ZNF888: variants seen among roughly 807,000 people sequenced by gnomAD.
ZNF888 encodes the protein zinc finger protein 888, also known as CTD-2331H12.6.
In ZNF888, 5 loss-of-function variants were observed where a neutral mutation model predicts 7.2. The observed-to-expected ratio is 0.70, with a 90% confidence interval of 0.36 to 1.46. ZNF888 has a LOEUF of 1.46. ZNF888 is among the 40% of genes most tolerant of loss of function. The pLI is 0.03. For missense variants in ZNF888, 716 were observed against 858.0 expected (o/e 0.83, Z 2.07); for synonymous variants, 240 against 284.3 (o/e 0.84, Z 1.57).
At chr19:52,913,320 CTTTTT>C (rs34481338) in intron 4 of ZNF888, among the ~76,000 whole-genome samples, 1 of 92,080 alleles carries the variant, frequency 1.1e-5, no homozygotes. Flanking sequence ...GTTATGGATT[CTTTTT>C]TTTTTTTTTT....
intron 4 of ZNF888, among the ~76,000 whole-genome samples, chr19:52,912,918 A>G (rs2064703366): frequency 6.6e-6 from 1 of 152,002 alleles, no homozygotes. Flanking sequence ...GACCACCCTA[A>G]CCTACAAGGA....
rs1173538014 is a variant in ZNF888 at position 52,917,942 on chromosome 19, C to T, written c.-58-11G>A. On this transcript the variant is annotated splice_polypyrimidine_tract_variant and intron_variant, in intron 2 of 4. Transcript: ENST00000638862. Reference sequence around the variant, plus strand: ...TCACATACCCAGAGTCTTTAGAAGTCAATCATGAATGTTAGAAATATGTTG... The same window carrying T: ...TCACATACCCAGAGTCTTTAGAAGTTAATCATGAATGTTAGAAATATGTTG... 3 of 1,606,620 alleles carry T rather than the reference C, an allele frequency of 1.9e-6. No homozygotes were observed. The African/African-American group carries it at 4.0e-5, about 21-fold the overall frequency.
At chr19:52,911,082 T>C (rs1484476530) in intron 4 of ZNF888, among the ~76,000 whole-genome samples, 3 of 152,204 alleles carry the variant, frequency 2.0e-5, no homozygotes, top group African/African-American at 7.2e-5. Flanking sequence ...TTTCACCATG[T>C]TGGCCAGGCT....
intron 3 of ZNF888, chr19:52,917,224 G>C (rs1179011702): frequency 1.9e-5 from 3 of 157,070 alleles, no homozygotes; most frequent in Non-Finnish European, 2.8e-5. Flanking sequence ...CTTGTTACCT[G>C]GGCTGGAGTG....
chr19:52,909,505 C>T (rs922609400), intron 4 of ZNF888, among the ~76,000 whole-genome samples: 2 of 152,180 alleles, frequency 1.3e-5, no homozygotes, highest in South Asian at 4.1e-4. Context: ...GTCTCAGCCT[C>T]CTAAATCCTG....
rs116480159 is a variant in ZNF888 at position 52,914,781 on chromosome 19, C to G, written c.142+415G>C. ...TCCCGGGTTTGAGTGATTCTCTTTC[C>G]TCAGCCTTTCTAGGAGCTAGGATTA... On this transcript the variant is annotated intron_variant, in intron 4 of 4. Coordinates refer to ENST00000638862, the MANE Select transcript of ZNF888 (RefSeq NM_001393938.1). Among the ~76,000 whole-genome samples the G allele has an allele frequency of 4.2e-3, 637 of 152,274 alleles. 7 individuals carry two copies. Among genetic ancestry groups the G allele is most frequent in the African/African-American group, 0.014 (574 of 41,562 alleles).
chr19:52,904,484 A>G lies in ZNF888; in HGVS notation c.*1681T>C, dbSNP rs2064585059. On this transcript the variant is annotated 3_prime_UTR_variant, in exon 5 of 5. Coordinates refer to ENST00000638862, the MANE Select transcript of ZNF888 (RefSeq NM_001393938.1). ...ACTGCCTTAAAATCTGAGCTCCCCT[A>G]ATGCACAATTTCTGTCCTTTTTAAG... The G allele has an allele frequency of 6.6e-6, 1 of 152,244 alleles. No individual in the cohort carries two copies. Among genetic ancestry groups the G allele is most frequent in the East Asian group, 1.9e-4 (1 of 5,188 alleles). The allele number at this position is 152,244 out of a possible 1,614,324, so 9.4% of individuals were successfully genotyped here. A position where few individuals can be genotyped will look rare whatever the true frequency, so the allele number is the denominator to read the frequency against.
At position 52,907,080 on chromosome 19, in the gene ZNF888, C is replaced by G. The variant is rs1474688457; in HGVS notation, c.1242G>C (p.Glu414Asp). The G allele has an allele frequency of 5.6e-6, 9 of 1,610,790 alleles. No homozygotes were observed. Among genetic ancestry groups the G allele is most frequent in the Non-Finnish European group, 6.8e-6 (8 of 1,179,078 alleles). The change falls in exon 5 of 5, where the codon GAG becomes GAC. Residue 414 changes from glutamate (E) to aspartate (D), a missense_variant. By Grantham distance (45) the Glu-to-Asp change is conservative. This residue lies in a region of ZNF888 where 697 missense variants were observed against 803.4 expected (regional missense o/e 0.87). Coordinates refer to ENST00000638862, the MANE Select transcript of ZNF888 (RefSeq NM_001393938.1). The stretch of plus-strand genomic sequence containing the variant: ...AATTTTCACCAAACGTTTTGCCACA[C>G]TCATTACACTTGTAAGGTTTCTCTC... ...HTREKPYKCN[E>D]CGKTFGENSA...
Position 52,923,383 on chromosome 19 carries a change from T to C in ZNF888, c.-192A>G, listed in dbSNP as rs2064844298. Reference sequence around the variant, plus strand: ...GCAAAACTCACCGCCGCAGTGTGACTTCCAGTCCACGCGATCCGCTTCCTG... The same window carrying C: ...GCAAAACTCACCGCCGCAGTGTGACCTCCAGTCCACGCGATCCGCTTCCTG... On this transcript the variant is annotated 5_prime_UTR_variant, in exon 1 of 5. Coordinates refer to ENST00000638862, the MANE Select transcript of ZNF888 (RefSeq NM_001393938.1). 2.0e-6 allele frequency: 2 copies of C among 985,676 alleles called. No homozygotes were observed. The highest frequency in any genetic ancestry group is 1.2e-6 in the Non-Finnish European group (1 of 830,050). The allele number at this position is 985,676 out of a possible 1,614,324, so 61.1% of individuals were successfully genotyped here.
At chr19:52,923,026 C>T (rs983811792) in intron 1 of ZNF888, among the ~76,000 whole-genome samples, 1 of 152,048 alleles carries the variant, frequency 6.6e-6, no homozygotes, top group Non-Finnish European at 1.5e-5. Context: ...CAGGGGCCGA[C>T]GAGGGTGAGG....
intron 3 of ZNF888, among the ~76,000 whole-genome samples, chr19:52,915,555 A>G (rs1202089445): frequency 6.6e-6 from 1 of 152,040 alleles, no homozygotes; most frequent in Non-Finnish European, 1.5e-5. Flanking sequence ...GCTCACTGCA[A>G]GCTCTACCTC....
chr19:52,916,988 T>C (rs723865), intron 3 of ZNF888, among the ~76,000 whole-genome samples: 29,273 of 151,800 alleles, frequency 0.19, 2,767 homozygotes, highest in Admixed American at 0.34. Flanking sequence ...AAAAAAGTAC[T>C]GCTCCCATAT....
intron 4 of ZNF888, among the ~76,000 whole-genome samples, chr19:52,914,934 G>T (rs2064726472): frequency 6.6e-6 from 1 of 152,152 alleles, no homozygotes. Flanking sequence ...GTGCTGGGAT[G>T]ACAGGCGTGA....
At position 52,904,749 on chromosome 19, in the gene ZNF888, G is replaced by A. The variant is rs960205608; in HGVS notation, c.*1416C>T. The A allele has an allele frequency of 6.6e-6, 1 of 152,172 alleles. No individual in the cohort carries two copies. The highest frequency in any genetic ancestry group is 2.4e-5 in the African/African-American group (1 of 41,444). 9.4% of individuals were successfully genotyped at this position (152,172 alleles called of 1,614,324 possible). On this transcript the variant is annotated 3_prime_UTR_variant, in exon 5 of 5. Transcript: ENST00000638862. ...GCCCAGGCCTGGTTTCAGGCCTGGC[G>A]CCGGGCTGCCTGTCTTTGATTTCAC...
At chr19:52,917,969 T>C in intron 2 of ZNF888, 38 bp from the exon 3 acceptor site, 1 of 1,597,934 alleles carries the variant, frequency 6.3e-7, no homozygotes. Context: ...AATATGTTGT[T>C]TATTGCTCAG....
At chr19:52,921,959 A>AAG (rs2064826590) in intron 1 of ZNF888, among the ~76,000 whole-genome samples, 2 of 152,156 alleles carry the variant, frequency 1.3e-5, no homozygotes, top group African/African-American at 4.8e-5. Flanking sequence ...GAAAGAAAGA[A>AAG]AAGAAAACAG....
chr19:52,904,687 T>C lies in ZNF888; in HGVS notation c.*1478A>G, dbSNP rs1263427742. On this transcript the variant is annotated 3_prime_UTR_variant, in exon 5 of 5. Transcript: ENST00000638862. ...ATGAATAACATCAGTTTCTAAGTTA[T>C]GAGTTGATTTTTAACTACTGGGTTT... The C allele has an allele frequency of 2.0e-5, 3 of 152,348 alleles. No individual in the cohort carries two copies. The highest frequency in any genetic ancestry group is 7.2e-5 in the African/African-American group (3 of 41,588). 9.4% of individuals were successfully genotyped at this position (152,348 alleles called of 1,614,324 possible).
At chr19:52,919,591 A>T (rs1600691132) in intron 1 of ZNF888, among the ~76,000 whole-genome samples, 2 of 70,612 alleles carry the variant, frequency 2.8e-5, no homozygotes, top group East Asian at 3.1e-4. Flanking sequence ...CCATCTGGGA[A>T]GTGAGGAGCG....
intron 2 of ZNF888, 117 bp from the exon 3 acceptor site, chr19:52,918,048 C>G: frequency 6.8e-7 from 1 of 1,464,382 alleles, no homozygotes; most frequent in Admixed American, 2.5e-5. Context: ...GAAATATGGT[C>G]CACTCTGCTG....
Sources: allele counts gnomAD v4.1 joint callset (sites outside exome capture counted in the v4.1 genomes callset), GRCh38; gene constraint gnomAD v4.1.1; regional missense constraint gnomAD v4.1.1; transcripts MANE v1.5; gene names NCBI Gene and HGNC (gene_info 2026-07-23, HGNC 2026-07-21).